The following CADPS variants were observed in gnomAD, a reference collection of about 807,000 sequenced individuals.
CADPS encodes calcium-dependent secretion activator 1.
In CADPS, 57 loss-of-function variants were observed where a neutral mutation model predicts 167.3. The observed-to-expected ratio is 0.34, with a 90% CI of 0.28 to 0.42. CADPS has a LOEUF of 0.42. Among genes scored for constraint, CADPS ranks in the 20% least tolerant of loss-of-function variants. The pLI is 1.00. For missense variants in CADPS, 1,414 were observed against 1,738.1 expected, an observed-to-expected ratio of 0.81 and a Z score of 3.32; for synonymous variants, 676 against 635.3, an observed-to-expected ratio of 1.06 and a Z score of -0.96.
chr3:62,776,511 G>A (rs2090342435), intron 1 of CADPS, among the ~76,000 whole-genome samples: 2 of 152,118 alleles, frequency 1.3e-5, no homozygotes, highest in East Asian at 1.9e-4. Context: ...AAAATTAGCC[G>A]GGCATGGTGG....
chr3:62,660,220 G>T (rs2150426341), intron 4 of CADPS, among the ~76,000 whole-genome samples: 1 of 152,246 alleles, frequency 6.6e-6, no homozygotes, highest in Non-Finnish European at 1.5e-5. Flanking sequence ...CCATGAGCTT[G>T]TTTTTGAGGT....
At chr3:62,838,291 A>C (rs2076184275) in intron 1 of CADPS, among the ~76,000 whole-genome samples, 1 of 152,230 alleles carries the variant, frequency 6.6e-6, no homozygotes, top group Admixed American at 6.5e-5. Flanking sequence ...TACACAATTG[A>C]AAGTGTTATG....
At chr3:62,751,446 T>C (rs955306169) in intron 3 of CADPS, among the ~76,000 whole-genome samples, 5 of 120,956 alleles carry the variant, frequency 4.1e-5, no homozygotes, top group Non-Finnish European at 9.3e-5. Context: ...GTACTTTATC[T>C]TGTAATTTTT....
chr3:62,505,594 C>T (rs2066524798), intron 17 of CADPS, among the ~76,000 whole-genome samples: 1 of 152,170 alleles, frequency 6.6e-6, no homozygotes, highest in Admixed American at 6.5e-5. Context: ...ATGCAGCAGT[C>T]AGAGTGATCT....
At chr3:62,597,546 T>C (rs975056776) in intron 6 of CADPS, among the ~76,000 whole-genome samples, 1 of 152,146 alleles carries the variant, frequency 6.6e-6, no homozygotes, top group Non-Finnish European at 1.5e-5. Context: ...GTCCTCAGTG[T>C]GGATGGATTT....
At chr3:62,869,847 C>T (rs1039129201) in intron 1 of CADPS, among the ~76,000 whole-genome samples, 1 of 152,106 alleles carries the variant, frequency 6.6e-6, no homozygotes, top group East Asian at 1.9e-4. Flanking sequence ...AGACACCTGT[C>T]CCCAAATCAC....
intron 3 of CADPS, among the ~76,000 whole-genome samples, chr3:62,664,703 T>G (rs898994936): frequency 6.6e-6 from 1 of 152,158 alleles, no homozygotes; most frequent in Non-Finnish European, 1.5e-5. Context: ...GCCAAATGAT[T>G]TGGTTAGGAG....
At chr3:62,524,633 C>T (rs905828040) in intron 13 of CADPS, among the ~76,000 whole-genome samples, 8 of 152,124 alleles carry the variant, frequency 5.3e-5, no homozygotes, top group African/African-American at 1.9e-4. Flanking sequence ...TGGTTATAAC[C>T]TAACAGTATC....
At chr3:62,845,923 T>A (rs995000671) in intron 1 of CADPS, among the ~76,000 whole-genome samples, 16 of 152,178 alleles carry the variant, frequency 1.1e-4, no homozygotes, top group Non-Finnish European at 1.5e-4. Context: ...TGAATTGTAA[T>A]CCCTAATGTT....
chr3:62,649,168 T>C (rs2069361828), intron 5 of CADPS, among the ~76,000 whole-genome samples: 1 of 152,206 alleles, frequency 6.6e-6, no homozygotes, highest in South Asian at 2.1e-4. Flanking sequence ...CATAAAACCC[T>C]TGTGGGGTTT....
intron 3 of CADPS, among the ~76,000 whole-genome samples, chr3:62,748,358 A>C (rs2081990806): frequency 6.7e-6 from 1 of 148,390 alleles, no homozygotes; most frequent in African/African-American, 2.5e-5. Context: ...AAAAAAAAAA[A>C]AAAAAAAAAA....
rs1409952281 is a variant in CADPS, at chr3:62,601,383, G to T, written c.1326-8635C>A. ...AACAAACCGAAAATTTTTACTTTCT[G>T]GTCCTTTATAGAAAAAGTTTGCCGA... On this transcript the variant is annotated intron_variant, in intron 6 of 29. Coordinates refer to ENST00000383710, the MANE Select transcript of CADPS (RefSeq NM_003716.4). The surrounding 1 kb of genome is among the most constrained non-coding windows in gnomAD (Gnocchi z 4.3). 1.3e-5 allele frequency among the ~76,000 whole-genome samples: 2 copies of T among 152,064 alleles called. No individual in the cohort carries two copies. Among genetic ancestry groups the T allele is most frequent in the African/African-American group, 4.8e-5 (2 of 41,392 alleles).
intron 4 of CADPS, among the ~76,000 whole-genome samples, chr3:62,651,971 G>A (rs2070269944): frequency 6.6e-6 from 1 of 152,004 alleles, no homozygotes. Context: ...ATATCCTGGG[G>A]TAGACCCAGC....
intron 8 of CADPS, among the ~76,000 whole-genome samples, chr3:62,584,854 G>T (rs562492456): frequency 1.6e-4 from 24 of 152,336 alleles, no homozygotes; most frequent in Non-Finnish European, 2.5e-4. Flanking sequence ...GAGTTTGAAT[G>T]ATCTGGATGC....
intron 3 of CADPS, among the ~76,000 whole-genome samples, chr3:62,684,258 A>G (rs1026059600): frequency 6.6e-6 from 1 of 152,098 alleles, no homozygotes; most frequent in African/African-American, 2.4e-5. Context: ...TCAGTATATT[A>G]TTTAATTTCT....
chr3:62,674,978 T>C (rs1194587724), intron 3 of CADPS, among the ~76,000 whole-genome samples: 2 of 152,174 alleles, frequency 1.3e-5, no homozygotes, highest in East Asian at 3.9e-4. Context: ...TTAGGATAGG[T>C]TAATTTATTC....
At chr3:62,634,749 C>T (rs1487899882) in intron 6 of CADPS, among the ~76,000 whole-genome samples, 2 of 152,094 alleles carry the variant, frequency 1.3e-5, no homozygotes, top group Admixed American at 6.5e-5. Flanking sequence ...GTATCTCTAC[C>T]CAATGACTTA....
In CADPS at chr3:62,399,361, A is replaced by G. The variant is rs974038295; in HGVS notation, c.*45T>C. On this transcript the variant is annotated 3_prime_UTR_variant, in exon 30 of 30. Coordinates refer to ENST00000383710, the MANE Select transcript of CADPS (RefSeq NM_003716.4). This position sits in a 1 kb window ranked among gnomAD's most constrained non-coding sequence, Gnocchi z 5.6. Reference sequence around the variant, plus strand: ...TTTAACTAACAGACTAAGGACATGCACTGATTACAGGACTCTGTCCCAGCA... The same window carrying G: ...TTTAACTAACAGACTAAGGACATGCGCTGATTACAGGACTCTGTCCCAGCA... The G allele has an allele frequency of 2.5e-6, 4 of 1,585,144 alleles. No homozygotes were observed. Among genetic ancestry groups the G allele is most frequent in the East Asian group, 4.5e-5 (2 of 44,706 alleles).
chr3:62,492,189 A>C, intron 20 of CADPS, 101 bp downstream of exon 20: 1 of 945,086 alleles, frequency 1.1e-6, no homozygotes, highest in South Asian at 1.6e-5. Context: ...AACCATGAAG[A>C]GCTATGTCAA....
Sources: gnomAD v4.1 joint callset for allele counts (sites outside exome capture counted in the v4.1 genomes callset) on GRCh38, gnomAD v4.1.1 for gene constraint, Gnocchi (gnomAD v3.1) non-coding constraint, MANE v1.5 for transcripts, NCBI Gene and HGNC (gene_info 2026-07-23, HGNC 2026-07-21) for gene names.